The following PPP1R14C variants were observed in gnomAD, a reference collection of about 807,000 sequenced individuals.
PPP1R14C encodes protein phosphatase 1 regulatory inhibitor subunit 14C.
A neutral mutation model predicts 20.4 loss-of-function variants in PPP1R14C; 16 were observed. The observed-to-expected ratio is 0.78, with a 90% CI of 0.53 to 1.19. The LOEUF is 1.19. Ranked by LOEUF, PPP1R14C falls within the 50% of genes most tolerant of loss-of-function variation. PPP1R14C has a pLI of 0.00. For synonymous variants in PPP1R14C, 91 were observed against 91.0 expected (o/e 1.00, Z 0.00); for missense variants, 211 against 220.1 (o/e 0.96, Z 0.26).
At chr6:150,188,928 G>A (rs139887528) in intron 1 of PPP1R14C, among the ~76,000 whole-genome samples, 3,511 of 150,498 alleles carry the variant, frequency 0.023, 124 homozygotes, top group African/African-American at 0.082. Flanking sequence ...GCATGATCTC[G>A]GCTCACTGCA....
At chr6:150,150,778 C>T in intron 1 of PPP1R14C, among the ~76,000 whole-genome samples, 1 of 152,046 alleles carries the variant, frequency 6.6e-6, no homozygotes, top group Admixed American at 6.6e-5. Context: ...TTCACGACAC[C>T]CCTTTCTTGG....
intron 3 of PPP1R14C, among the ~76,000 whole-genome samples, chr6:150,224,994 C>T (rs1188046990): frequency 5.9e-5 from 9 of 151,708 alleles, no homozygotes; most frequent in Non-Finnish European, 1.3e-4. Flanking sequence ...TTCTCGGTCG[C>T]CCCCATGCCC....
At chr6:150,227,131 A>G (rs1387322464) in intron 3 of PPP1R14C, among the ~76,000 whole-genome samples, 2 of 152,232 alleles carry the variant, frequency 1.3e-5, no homozygotes, top group African/African-American at 4.8e-5. Context: ...ACATGGAAGT[A>G]CATTCCTTCT....
intron 3 of PPP1R14C, among the ~76,000 whole-genome samples, chr6:150,234,730 T>A (rs1250220543): frequency 3.3e-5 from 5 of 151,504 alleles, no homozygotes; most frequent in Admixed American, 2.6e-4. Context: ...ACACCTGTAG[T>A]CCCAGCTACT....
At chr6:150,174,897 C>T (rs1266857130) in intron 1 of PPP1R14C, among the ~76,000 whole-genome samples, 5 of 150,060 alleles carry the variant, frequency 3.3e-5, no homozygotes, top group Non-Finnish European at 5.9e-5. Flanking sequence ...ACCCGGGAGG[C>T]GGAGGTTGCG....
At chr6:150,214,113 C>T (rs915936377) in intron 1 of PPP1R14C, among the ~76,000 whole-genome samples, 30 of 152,192 alleles carry the variant, frequency 2.0e-4, no homozygotes, top group Admixed American at 1.8e-3. Flanking sequence ...CCCAGAGCCC[C>T]CTTAGTTCTT....
chr6:150,244,854 A>G (rs192393998), intron 3 of PPP1R14C, among the ~76,000 whole-genome samples: 1 of 152,196 alleles, frequency 6.6e-6, no homozygotes, highest in East Asian at 1.9e-4. Context: ...TCAGGCTGGT[A>G]TCTCCAGGGC....
At chr6:150,192,924 G>T (rs1777763412) in intron 1 of PPP1R14C, among the ~76,000 whole-genome samples, 2 of 152,162 alleles carry the variant, frequency 1.3e-5, no homozygotes, top group Non-Finnish European at 1.5e-5. Context: ...TGGGTCTTGG[G>T]ACCCCTGTGC....
At chr6:150,240,133 A>G (rs9480032) in intron 3 of PPP1R14C, among the ~76,000 whole-genome samples, 75,314 of 152,142 alleles carry the variant, frequency 0.5, 20,541 homozygotes, top group African/African-American at 0.74. Flanking sequence ...GGTCAATACA[A>G]TTGATAAACT....
At chr6:150,168,420 C>T (rs1315271054) in intron 1 of PPP1R14C, among the ~76,000 whole-genome samples, 1 of 151,990 alleles carries the variant, frequency 6.6e-6, no homozygotes, top group Non-Finnish European at 1.5e-5. Flanking sequence ...GTAGTCCCAG[C>T]TACTTGGGAG....
At chr6:150,229,877 C>T (rs1778274353) in intron 3 of PPP1R14C, among the ~76,000 whole-genome samples, 1 of 152,086 alleles carries the variant, frequency 6.6e-6, no homozygotes. Context: ...AACCCCTGCC[C>T]CCCAAAAAGA....
intron 3 of PPP1R14C, among the ~76,000 whole-genome samples, chr6:150,227,963 A>G (rs1429426324): frequency 6.6e-6 from 1 of 152,144 alleles, no homozygotes; most frequent in East Asian, 1.9e-4. Flanking sequence ...TATGCACCAG[A>G]CCTCATCTGC....
chr6:150,200,582 C>G (rs183066543), intron 1 of PPP1R14C, among the ~76,000 whole-genome samples: 9 of 152,294 alleles, frequency 5.9e-5, no homozygotes, highest in Admixed American at 5.2e-4. Context: ...GCCCCTGGCT[C>G]TCTTCCCTTT....
intron 1 of PPP1R14C, among the ~76,000 whole-genome samples, chr6:150,204,612 C>G (rs146587361): frequency 6.6e-6 from 1 of 152,162 alleles, no homozygotes; most frequent in African/African-American, 2.4e-5. Context: ...TGATTGTGCC[C>G]GATTTCTATC....
At chr6:150,146,332 C>T (rs556244563) in intron 1 of PPP1R14C, among the ~76,000 whole-genome samples, 7 of 152,246 alleles carry the variant, frequency 4.6e-5, no homozygotes, top group South Asian at 2.1e-4. Flanking sequence ...CTGTCTGTAC[C>T]GTGCAAGAGA....
At chr6:150,206,332 C>T (rs1378220873) in intron 1 of PPP1R14C, among the ~76,000 whole-genome samples, 2 of 152,040 alleles carry the variant, frequency 1.3e-5, no homozygotes, top group Non-Finnish European at 2.9e-5. Context: ...GAGTTTAATC[C>T]CCACGAGAGC....
At chr6:150,145,378 A>G (rs565111539) in intron 1 of PPP1R14C, among the ~76,000 whole-genome samples, 77 of 152,324 alleles carry the variant, frequency 5.1e-4, no homozygotes, top group African/African-American at 1.7e-3. Flanking sequence ...AAGATGCTCT[A>G]TATGCTGCCT....
intron 3 of PPP1R14C, 143 bp from the exon 4 acceptor site, chr6:150,248,603 G>A: frequency 3.6e-6 from 2 of 562,958 alleles, no homozygotes; most frequent in Non-Finnish European, 6.4e-6. Context: ...TAAAAATCCT[G>A]TATTATACCA....
chr6:150,234,848 CAAAAAAAAAAAAAA>C (rs56139981), intron 3 of PPP1R14C, among the ~76,000 whole-genome samples: 3 of 41,832 alleles, frequency 7.2e-5, no homozygotes, highest in Admixed American at 3.4e-4. Flanking sequence ...GACTCTGTCT[CAAAAAAAAAAAAAA>C]AAAAAAAAAA....
Sources: allele counts gnomAD v4.1 joint callset (sites outside exome capture counted in the v4.1 genomes callset), GRCh38; gene constraint gnomAD v4.1.1; transcripts MANE v1.5; gene names NCBI Gene and HGNC (gene_info 2026-07-23, HGNC 2026-07-21).